The following CSMD2 variants were observed in gnomAD, a reference collection of about 807,000 sequenced individuals.
The protein encoded by CSMD2 is CUB and Sushi multiple domains 2, also known as CUB and sushi domain-containing protein 2.
Under a neutral mutation model 398.5 loss-of-function variants are expected in CSMD2, and 130 were observed. The observed-to-expected ratio is 0.33, with a 90% confidence interval of 0.28 to 0.38. CSMD2 has a LOEUF of 0.38. Among genes scored for constraint, CSMD2 ranks in the 10% least tolerant of loss-of-function variants. The pLI is 1.00. For synonymous variants in CSMD2, 1,828 were observed against 1,908.5 expected, an observed-to-expected ratio of 0.96 and a Z score of 1.10; for missense variants, 3,829 against 4,764.9, an observed-to-expected ratio of 0.80 and a Z score of 5.78.
intron 3 of CSMD2, among the ~76,000 whole-genome samples, chr1:33,987,532 A>G (rs1279141437): frequency 4.6e-5 from 7 of 152,168 alleles, no homozygotes; most frequent in Admixed American, 1.3e-4. Flanking sequence ...ACGCCAGGCA[A>G]AAGTCTGACA....
intron 57 of CSMD2, 61 bp downstream of exon 57, chr1:33,545,976 G>C: frequency 6.6e-7 from 1 of 1,513,802 alleles, no homozygotes; most frequent in Non-Finnish European, 9.0e-7. Flanking sequence ...AATAAGAGCA[G>C]GAGCAGGGGC....
rs114273551 is a variant in CSMD2 at position 34,063,999 on chromosome 1, G to T, written c.404+24978C>A. ...AAGCCACAGCATGAGCCCTATGTTGGCCCCTTTCAGCCATGGCTGGAGTGG... is the reference window on the plus strand; with the variant it reads ...AAGCCACAGCATGAGCCCTATGTTGTCCCCTTTCAGCCATGGCTGGAGTGG... On this transcript the variant is annotated intron_variant, in intron 2 of 70. Coordinates refer to ENST00000373381, the MANE Select transcript of CSMD2 (RefSeq NM_001281956.2). 3.1e-3 allele frequency among the ~76,000 whole-genome samples: 475 copies of T among 152,280 alleles called. 2 individuals carry two copies. Among genetic ancestry groups the T allele is most frequent in the African/African-American group, 0.011 (449 of 41,560 alleles).
intron 44 of CSMD2, chr1:33,600,259 G>A (rs977595970): frequency 1.0e-5 from 7 of 688,620 alleles, no homozygotes; most frequent in Admixed American, 9.1e-5. Flanking sequence ...TTGCAAATAT[G>A]TGCATCATTC....
chr1:34,139,173 G>A (rs1257071340), intron 1 of CSMD2, among the ~76,000 whole-genome samples: 3 of 152,224 alleles, frequency 2.0e-5, no homozygotes, highest in Non-Finnish European at 4.4e-5. Flanking sequence ...TTTAAAAGGT[G>A]AGGGCCTCTG....
chr1:33,586,213 T>A (rs897616167), intron 46 of CSMD2, among the ~76,000 whole-genome samples: 1 of 152,148 alleles, frequency 6.6e-6, no homozygotes, highest in Non-Finnish European at 1.5e-5. Context: ...GTACTCAGTA[T>A]GCAATTCCAA....
rs754531484 is a variant in CSMD2, at chr1:33,743,299, G to A, written c.2154C>T (p.Gly718=). Residue 718 remains glycine (G), a synonymous_variant, in exon 14 of 71, where the codon GGC becomes GGT. Coordinates refer to ENST00000373381, the MANE Select transcript of CSMD2 (RefSeq NM_001281956.2). ...FQTDHSTGKR[G]FNITFTTFRH... is the part of the protein sequence containing the mutation. ...ACTCACTGGTAAAAGTGATGTTGAA[G>A]CCCCTCTTCCCTGTGGAGTGGTCAG... 25 of 1,605,644 alleles carry A rather than the reference G, an allele frequency of 1.6e-5. No homozygotes were observed. The highest frequency in any genetic ancestry group is 1.0e-5 in the Non-Finnish European group (12 of 1,174,382).
chr1:34,031,805 C>A (rs9919294), intron 3 of CSMD2, among the ~76,000 whole-genome samples: 14,147 of 137,396 alleles, frequency 0.1, 803 homozygotes, highest in East Asian at 0.21. Flanking sequence ...GGATATCTGG[C>A]GTGCTTTACT....
At chr1:34,075,315 C>CAGAGCAGGA (rs1656206106) in intron 2 of CSMD2, among the ~76,000 whole-genome samples, 1 of 152,228 alleles carries the variant, frequency 6.6e-6, no homozygotes, top group Non-Finnish European at 1.5e-5. Context: ...GAGAGCAGAC[C>CAGAGCAGGA]CTTCAAGGAC....
Position 34,165,082 on chromosome 1 carries a change from C to G in CSMD2, c.16G>C (p.Gly6Arg), listed in dbSNP as rs1488796992. MPRSRGRELGRCGCPA... is the reference protein window; with the variant it reads MPRSRRRELGRCGCPA... ...CAGCCGCAGCGCCCCAGCTCCCGTC[C>G]CCGCGAGCGCGGCATGGCGCGGCCG... The change falls in exon 1 of 71, where the codon GGA (glycine) becomes CGA (arginine). Residue 6 changes from glycine (G) to arginine (R), a missense_variant. Around this residue, in one of 5 missense-constraint regions of CSMD2, gnomAD observed 184 missense variants for 217.7 expected, o/e 0.85. Coordinates refer to ENST00000373381, the MANE Select transcript of CSMD2 (RefSeq NM_001281956.2). 31 of 1,214,616 alleles carry G rather than the reference C, an allele frequency of 2.6e-5. No individual in the cohort carries two copies. Among genetic ancestry groups the G allele is most frequent in the Non-Finnish European group, 3.1e-5 (30 of 976,914 alleles). 75.2% of individuals were successfully genotyped at this position (1,214,616 alleles called of 1,614,324 possible).
intron 53 of CSMD2, among the ~76,000 whole-genome samples, chr1:33,566,100 G>GA (rs150093800): frequency 0.22 from 31,710 of 143,870 alleles, 3,407 homozygotes; most frequent in South Asian, 0.27. Flanking sequence ...TGATGAAGAA[G>GA]AAAAAAAAAA....
chr1:33,711,131 G>A (rs751185610), intron 21 of CSMD2, among the ~76,000 whole-genome samples: 7 of 152,080 alleles, frequency 4.6e-5, no homozygotes, highest in African/African-American at 9.7e-5. Context: ...TTACATAGAC[G>A]TTTCCAGCAT....
chr1:33,852,176 G>A (rs935699273), intron 5 of CSMD2, among the ~76,000 whole-genome samples: 4 of 152,072 alleles, frequency 2.6e-5, no homozygotes, highest in South Asian at 4.2e-4. Flanking sequence ...CACCCCTATC[G>A]CCAATTGTGG....
chr1:33,824,339 C>T (rs1344816802), intron 7 of CSMD2, among the ~76,000 whole-genome samples: 1 of 152,198 alleles, frequency 6.6e-6, no homozygotes, highest in Non-Finnish European at 1.5e-5. Context: ...TGTCCTTTCC[C>T]CTAAACCCCC....
intron 18 of CSMD2, 43 bp downstream of exon 18, chr1:33,724,471 GGA>G: frequency 1.9e-6 from 3 of 1,591,454 alleles, no homozygotes; most frequent in South Asian, 1.1e-5. Context: ...TTCTGTGGCA[GGA>G]GAGGAGTCTG....
intron 25 of CSMD2, among the ~76,000 whole-genome samples, chr1:33,675,513 G>T (rs373724103): frequency 1.3e-5 from 2 of 152,122 alleles, no homozygotes; most frequent in Non-Finnish European, 2.9e-5. Context: ...ATTCACAGCC[G>T]AATTCTACCA....
chr1:33,617,213 C>A (rs1641450355), intron 38 of CSMD2, among the ~76,000 whole-genome samples: 3 of 152,218 alleles, frequency 2.0e-5, no homozygotes, highest in Admixed American at 6.5e-5. Context: ...TTGTGAGAGT[C>A]CTTTAATTAC....
At chr1:33,995,534 C>A (rs748558671) in intron 3 of CSMD2, among the ~76,000 whole-genome samples, 2 of 152,158 alleles carry the variant, frequency 1.3e-5, no homozygotes, top group South Asian at 2.1e-4. Context: ...TCTCTGCAAC[C>A]GGCCTCTGGG....
At chr1:33,525,086 G>A in intron 65 of CSMD2, 43 bp from the exon 66 acceptor site, 1 of 1,604,936 alleles carries the variant, frequency 6.2e-7, no homozygotes, top group Non-Finnish European at 8.5e-7. Flanking sequence ...CTTTGTGTGT[G>A]CTGCCAGAAT....
Position 33,935,190 on chromosome 1 carries a change from TC to T in CSMD2, c.712+569del, listed in dbSNP as rs572839821. Reference sequence around the variant, plus strand: ...ACTTTCAGGACTAAAATTGGGAAGGTCTTGGGCAAATATGAACAAGTTGGTC... The same window carrying T: ...ACTTTCAGGACTAAAATTGGGAAGGTTTGGGCAAATATGAACAAGTTGGTC... On this transcript the variant is annotated intron_variant, in intron 4 of 70. Transcript: ENST00000373381. 3.1e-3 allele frequency among the ~76,000 whole-genome samples: 469 copies of T among 151,804 alleles called. 3 individuals are homozygous for T. Among genetic ancestry groups the T allele is most frequent in the Middle Eastern group, 6.8e-3 (2 of 292 alleles).
Sources: gnomAD v4.1 joint callset for allele counts (sites outside exome capture counted in the v4.1 genomes callset) on GRCh38, gnomAD v4.1.1 for gene constraint, gnomAD v4.1.1 regional missense constraint, MANE v1.5 for transcripts, NCBI Gene and HGNC (gene_info 2026-07-23, HGNC 2026-07-21) for gene names.